TRHDE: variants seen among roughly 807,000 people sequenced by gnomAD.
TRHDE encodes thyrotropin-releasing hormone-degrading ectoenzyme.
Under a neutral mutation model 125.7 loss-of-function variants are expected in TRHDE, and 72 were observed. The ratio of observed to expected loss-of-function variants is 0.57; its 90% CI spans 0.47 to 0.70. TRHDE has a LOEUF of 0.70. TRHDE is among the 30% of genes least tolerant of loss of function. TRHDE has a pLI of 0.00. For synonymous variants in TRHDE, 509 were observed against 509.1 expected, an observed-to-expected ratio of 1.00 and a Z score of 0.00; for missense variants, 1,110 against 1,327.1, an observed-to-expected ratio of 0.84 and a Z score of 2.54.
chr12:72,378,108 C>A lies in TRHDE; in HGVS notation c.1302C>A (p.Ser434=). 6.4e-7 allele frequency: 1 copy of A among 1,572,882 alleles called. No individual in the cohort carries two copies. The highest frequency in any genetic ancestry group is 1.2e-5 in the South Asian group (1 of 82,472). ...AAGACTACTTTAAAGTGCCCTATTCCTTGCCAAAACTAGGTAAGAATTTTC... is the reference window on the plus strand; with the variant it reads ...AAGACTACTTTAAAGTGCCCTATTCATTGCCAAAACTAGGTAAGAATTTTC... ...FYEDYFKVPY[S]LPKLDLLAVP... The change falls in exon 3 of 19, where the codon TCC becomes TCA. Residue 434 remains serine (S), a synonymous_variant. Coordinates refer to ENST00000261180, the MANE Select transcript of TRHDE (RefSeq NM_013381.3).
intron 1 of TRHDE, among the ~76,000 whole-genome samples, chr12:72,104,918 T>G (rs1358982945): frequency 6.6e-6 from 1 of 152,168 alleles, no homozygotes; most frequent in Non-Finnish European, 1.5e-5. Flanking sequence ...CCTCTCTCTG[T>G]GCTCCCTTTA....
rs1302702980 is a variant in TRHDE at position 72,371,873 on chromosome 12, G to T, written c.1189-6122G>T. Among the ~76,000 whole-genome samples, 32 of 152,132 alleles carry T rather than the reference G, an allele frequency of 2.1e-4. 1 individual carries two copies. Among genetic ancestry groups the T allele is most frequent in the Admixed American group, 2.1e-3 (32 of 15,276 alleles). On this transcript the variant is annotated intron_variant, in intron 2 of 18. Coordinates refer to ENST00000261180, the MANE Select transcript of TRHDE (RefSeq NM_013381.3). ...ACATACATGTGCATGTGTCTTTATA[G>T]CAGCATGATTTATAGTCCTTTGGGT...
intron 17 of TRHDE, among the ~76,000 whole-genome samples, chr12:72,654,343 T>A (rs1874624810): frequency 6.6e-6 from 1 of 152,126 alleles, no homozygotes; most frequent in African/African-American, 2.4e-5. Flanking sequence ...TACGATGGTG[T>A]TTACACTGAC....
At chr12:72,339,780 C>T (rs1869996984) in intron 2 of TRHDE, among the ~76,000 whole-genome samples, 4 of 152,164 alleles carry the variant, frequency 2.6e-5, no homozygotes, top group Admixed American at 2.6e-4. Context: ...CTGGTGCTCA[C>T]CTATCCCCCA....
chr12:72,502,662 T>A (rs1231891046), intron 6 of TRHDE, among the ~76,000 whole-genome samples: 1 of 152,140 alleles, frequency 6.6e-6, no homozygotes, highest in Admixed American at 6.6e-5. Context: ...AAATGCCAGT[T>A]AAGTGAGGTT....
intron 2 of TRHDE, among the ~76,000 whole-genome samples, chr12:72,115,777 T>G (rs902472991): frequency 6.6e-6 from 1 of 152,156 alleles, no homozygotes; most frequent in Admixed American, 6.5e-5. Context: ...TAGTTTTGGT[T>G]TGCATTTCTC....
intron 7 of TRHDE, among the ~76,000 whole-genome samples, chr12:72,543,797 GATTATTATTATT>G (rs57214635): frequency 0.011 from 1,503 of 142,230 alleles, 29 homozygotes; most frequent in African/African-American, 0.036. Context: ...ATTTGGAAAG[GATTATTATTATT>G]ATTATTATTA....
chr12:72,667,100 AC>A lies in TRHDE; in HGVS notation c.*3906del, dbSNP rs1426287715. Reference sequence around the variant, plus strand: ...TTGTGAAAAACAATGCAATTTTAGTACTACTGGATTAGATGCAGTAAAGGAA... The same window carrying A: ...TTGTGAAAAACAATGCAATTTTAGTATACTGGATTAGATGCAGTAAAGGAA... On this transcript the variant is annotated 3_prime_UTR_variant, in exon 19 of 19. Transcript: ENST00000261180. The A allele has an allele frequency of 6.6e-6, 1 of 151,966 alleles. No homozygotes were observed. Among genetic ancestry groups the A allele is most frequent in the East Asian group, 1.9e-4 (1 of 5,174 alleles). The allele number at this position is 151,966 out of a possible 1,614,324, so 9.4% of individuals were successfully genotyped here. A position where few individuals can be genotyped will look rare whatever the true frequency, so the allele number is the denominator to read the frequency against.
At chr12:72,655,364 G>A (rs577173664) in intron 17 of TRHDE, among the ~76,000 whole-genome samples, 7 of 152,238 alleles carry the variant, frequency 4.6e-5, no homozygotes, top group South Asian at 2.1e-4. Context: ...GTGAGCCACC[G>A]CCTTGGCCTG....
At chr12:72,621,049 T>C (rs1873030087) in intron 13 of TRHDE, 59 bp from the exon 14 acceptor site, 1 of 789,454 alleles carries the variant, frequency 1.3e-6, no homozygotes, top group African/African-American at 1.8e-5. Flanking sequence ...GAATTTTAAT[T>C]GTCAGCATAC....
intron 2 of TRHDE, chr12:72,258,360 C>T (rs1878865943): frequency 6.6e-6 from 1 of 152,120 alleles, no homozygotes; most frequent in Admixed American, 6.6e-5. Flanking sequence ...AAACCCCAAA[C>T]AGTAAAACCT....
intron 2 of TRHDE, chr12:72,255,634 G>C (rs761566424): frequency 3.9e-5 from 6 of 152,156 alleles, no homozygotes; most frequent in Non-Finnish European, 7.3e-5. Flanking sequence ...ACAATCCCCG[G>C]GCTGTTCCGG....
intron 2 of TRHDE, among the ~76,000 whole-genome samples, chr12:72,141,405 A>G (rs1460252048): frequency 6.6e-6 from 1 of 152,196 alleles, no homozygotes. Flanking sequence ...ACCACAGAGA[A>G]AGACTTTTGT....
intron 2 of TRHDE, among the ~76,000 whole-genome samples, chr12:72,128,733 C>T (rs1875782848): frequency 2.0e-5 from 3 of 151,998 alleles, no homozygotes; most frequent in Non-Finnish European, 4.4e-5. Context: ...CAAAAGAAAA[C>T]ATTCAGAGAT....
chr12:72,375,101 A>T (rs1871813230), intron 2 of TRHDE, among the ~76,000 whole-genome samples: 1 of 152,184 alleles, frequency 6.6e-6, no homozygotes, highest in Admixed American at 6.5e-5. Flanking sequence ...TGAAGAGCTT[A>T]GCCTTGGATA....
chr12:72,202,781 T>C (rs1286781490), intron 2 of TRHDE, among the ~76,000 whole-genome samples: 1 of 152,222 alleles, frequency 6.6e-6, no homozygotes, highest in Non-Finnish European at 1.5e-5. Flanking sequence ...ATAGTCTATG[T>C]ATGTCCATTA....
rs74646207 is a variant in TRHDE, at chr12:72,472,098, A to G, written c.1471-969A>G. ...TAGAGAGAATGTTTTTGCTTTTACA[A>G]TGTAAAGCAGTTCCTCCCTCATTCC... On this transcript the variant is annotated intron_variant, in intron 4 of 18. Coordinates refer to ENST00000261180, the MANE Select transcript of TRHDE (RefSeq NM_013381.3). 2.7e-3 allele frequency among the ~76,000 whole-genome samples: 410 copies of G among 152,306 alleles called. 1 individual carries two copies. The highest frequency in any genetic ancestry group is 9.2e-3 in the African/African-American group (382 of 41,570).
chr12:72,260,353 T>A (rs1878921176), intron 2 of TRHDE, among the ~76,000 whole-genome samples: 1 of 118,136 alleles, frequency 8.5e-6, no homozygotes, highest in African/African-American at 5.0e-5. Context: ...GGAAAAATGA[T>A]ACTTTTTTTT....
At chr12:72,464,975 G>A (rs1876300459) in intron 3 of TRHDE, among the ~76,000 whole-genome samples, 2 of 152,088 alleles carry the variant, frequency 1.3e-5, no homozygotes, top group Non-Finnish European at 2.9e-5. Context: ...ATTGGAAGCA[G>A]ACTACTATGC....
Sources: gnomAD v4.1 joint callset for allele counts (sites outside exome capture counted in the v4.1 genomes callset) on GRCh38, gnomAD v4.1.1 for gene constraint, MANE v1.5 for transcripts, NCBI Gene and HGNC (gene_info 2026-07-23, HGNC 2026-07-21) for gene names.